The following NLGN1 variants were observed in gnomAD, a reference collection of about 807,000 sequenced individuals.
NLGN1 encodes the protein neuroligin-1.
Under a neutral mutation model 65.5 loss-of-function variants are expected in NLGN1, and 12 were observed. That is an observed-to-expected ratio of 0.18 (90% CI 0.12 to 0.30). The LOEUF is 0.30. NLGN1 is among the 10% of genes least tolerant of loss of function. The pLI, the probability that NLGN1 is intolerant of heterozygous loss-of-function variation, is 1.00. For synonymous variants in NLGN1, 350 were observed against 359.5 expected (o/e 0.97, Z 0.30); for missense variants, 750 against 1,007.1 (o/e 0.74, Z 3.46).
chr3:173,861,487 T>C (rs1034813076), intron 4 of NLGN1, among the ~76,000 whole-genome samples: 43 of 151,216 alleles, frequency 2.8e-4, no homozygotes, highest in African/African-American at 9.9e-4. Flanking sequence ...TAGATATTGT[T>C]AAGAATTGCC....
intron 3 of NLGN1, among the ~76,000 whole-genome samples, chr3:173,739,800 TTGTTA>T (rs1774351624): frequency 1.3e-5 from 2 of 152,140 alleles, no homozygotes; most frequent in Non-Finnish European, 2.9e-5. Context: ...AATAAACCAT[TTGTTA>T]ACAAAACAAA....
chr3:173,546,382 A>G (rs1210909722), intron 2 of NLGN1, among the ~76,000 whole-genome samples: 8 of 152,112 alleles, frequency 5.3e-5, no homozygotes, highest in Admixed American at 5.2e-4. Context: ...TTTAATTGTC[A>G]TGTTTTGTCT....
intron 4 of NLGN1, among the ~76,000 whole-genome samples, chr3:173,842,741 G>GCCTT (rs1725024037): frequency 6.6e-6 from 1 of 152,202 alleles, no homozygotes; most frequent in African/African-American, 2.4e-5. Flanking sequence ...GGTACAGCCT[G>GCCTT]CCTTCCAGCT....
At chr3:174,223,696 TG>T (rs1739082842) in intron 4 of NLGN1, among the ~76,000 whole-genome samples, 1 of 152,186 alleles carries the variant, frequency 6.6e-6, no homozygotes, top group Non-Finnish European at 1.5e-5. Context: ...TTTTAATAAA[TG>T]TTTTTCAAAC....
chr3:173,488,669 AATCTTTTTATCCC>A (rs1297362365), intron 2 of NLGN1, among the ~76,000 whole-genome samples: 1 of 152,058 alleles, frequency 6.6e-6, no homozygotes, highest in Non-Finnish European at 1.5e-5. Flanking sequence ...ATTCAAAAGT[AATCTTTTTATCCC>A]TGGTGTCTTT....
At chr3:173,894,371 G>C (rs1328769609) in intron 4 of NLGN1, among the ~76,000 whole-genome samples, 2 of 152,130 alleles carry the variant, frequency 1.3e-5, no homozygotes, top group Non-Finnish European at 2.9e-5. Context: ...GACTCAAGTT[G>C]ATAGGAAAAG....
chr3:174,258,016 A>G (rs1746133512), intron 4 of NLGN1, among the ~76,000 whole-genome samples: 2 of 151,720 alleles, frequency 1.3e-5, no homozygotes, highest in Non-Finnish European at 2.9e-5. Flanking sequence ...ATAATTACTA[A>G]ATATTTAGGA....
At chr3:173,450,554 C>T (rs1183162381) in intron 2 of NLGN1, among the ~76,000 whole-genome samples, 1 of 152,082 alleles carries the variant, frequency 6.6e-6, no homozygotes, top group Non-Finnish European at 1.5e-5. Context: ...AGTTGCTCTT[C>T]TTGAGGAGTA....
At chr3:173,533,564 G>A (rs1378288762) in intron 2 of NLGN1, among the ~76,000 whole-genome samples, 1 of 152,170 alleles carries the variant, frequency 6.6e-6, no homozygotes, top group African/African-American at 2.4e-5. Flanking sequence ...CTCAGAGAAA[G>A]GTTGTGAAAT....
At chr3:173,557,107 A>G (rs1741835930) in intron 2 of NLGN1, among the ~76,000 whole-genome samples, 1 of 152,138 alleles carries the variant, frequency 6.6e-6, no homozygotes, top group Admixed American at 6.5e-5. Flanking sequence ...TTCTGGATGC[A>G]TTTACTTCTC....
At chr3:174,065,182 G>A (rs1308335942) in intron 4 of NLGN1, among the ~76,000 whole-genome samples, 1 of 151,842 alleles carries the variant, frequency 6.6e-6, no homozygotes, top group Non-Finnish European at 1.5e-5. Flanking sequence ...AAATATGACA[G>A]CATTTGCACA....
chr3:173,480,117 T>G (rs1300950983), intron 2 of NLGN1, among the ~76,000 whole-genome samples: 2 of 152,118 alleles, frequency 1.3e-5, no homozygotes, highest in African/African-American at 4.8e-5. Flanking sequence ...TGCATTTTGC[T>G]TGTATGTGTT....
At position 173,837,957 on chromosome 3, in the gene NLGN1, G is replaced by A. The variant is rs193037531; in HGVS notation, c.646+30125G>A. Among the ~76,000 whole-genome samples the A allele has an allele frequency of 3.3e-3, 502 of 152,180 alleles. 2 individuals carry two copies. The highest frequency in any genetic ancestry group is 0.012 in the African/African-American group (483 of 41,528). Reference sequence around the variant, plus strand: ...GCTTCAAAAATTGGTATATAAACTTGTATGTTTGAAGTTTTACAAATGGCA... The same window carrying A: ...GCTTCAAAAATTGGTATATAAACTTATATGTTTGAAGTTTTACAAATGGCA... On this transcript the variant is annotated intron_variant, in intron 4 of 6. Coordinates refer to ENST00000457714, the Ensembl canonical transcript of NLGN1.
intron 3 of NLGN1, among the ~76,000 whole-genome samples, chr3:173,802,542 T>G (rs1173880209): frequency 6.6e-6 from 1 of 152,232 alleles, no homozygotes; most frequent in African/African-American, 2.4e-5. Context: ...AGAGCATTTT[T>G]AACTCAATTC....
intron 2 of NLGN1, among the ~76,000 whole-genome samples, chr3:173,562,717 A>G (rs1302289573): frequency 1.3e-5 from 2 of 152,158 alleles, no homozygotes; most frequent in Non-Finnish European, 2.9e-5. Flanking sequence ...TCGACATTTA[A>G]GATACAACAT....
intron 4 of NLGN1, among the ~76,000 whole-genome samples, chr3:174,174,376 T>C (rs1335734005): frequency 2.0e-5 from 3 of 152,150 alleles, no homozygotes; most frequent in Non-Finnish European, 4.4e-5. Context: ...GTTCTACTTT[T>C]AGTTGTTTAA....
chr3:174,126,316 G>A (rs1718934891), intron 4 of NLGN1, among the ~76,000 whole-genome samples: 1 of 152,062 alleles, frequency 6.6e-6, no homozygotes, highest in Admixed American at 6.6e-5. Context: ...CTGAGGGCAA[G>A]CACCAGACCA....
chr3:174,293,342 A>T, the NLGN1 span, among the ~76,000 whole-genome samples: 1 of 151,534 alleles, frequency 6.6e-6, no homozygotes, highest in Admixed American at 6.6e-5. Flanking sequence ...TACCTGGATT[A>T]TATTTTACAA....
At chr3:173,651,670 A>T (rs2149645027) in intron 3 of NLGN1, among the ~76,000 whole-genome samples, 1 of 152,092 alleles carries the variant, frequency 6.6e-6, no homozygotes, top group East Asian at 1.9e-4. Context: ...GTATAAGATG[A>T]TACCTCATTG....
Sources: allele counts gnomAD v4.1 joint callset (sites outside exome capture counted in the v4.1 genomes callset), GRCh38; gene constraint gnomAD v4.1.1; transcripts MANE v1.5; gene names NCBI Gene and HGNC (gene_info 2026-07-23, HGNC 2026-07-21).